NRXN3: variants seen among roughly 807,000 people sequenced by gnomAD.
The protein encoded by NRXN3 is neurexin 3, also known as neurexin III.
A neutral mutation model predicts 137.6 loss-of-function variants in NRXN3; 32 were observed. That is an observed-to-expected ratio of 0.23 (90% CI 0.18 to 0.31). NRXN3 has a LOEUF of 0.31. Ranked by LOEUF, NRXN3 falls within the 10% of genes least tolerant of loss-of-function variation. NRXN3 has a pLI of 1.00. For synonymous variants in NRXN3, 798 were observed against 784.5 expected (o/e 1.02, Z -0.29); for missense variants, 1,574 against 2,062.5 (o/e 0.76, Z 4.59).
At chr14:78,655,265 T>G (rs2152651033) in intron 6 of NRXN3, among the ~76,000 whole-genome samples, 1 of 152,324 alleles carries the variant, frequency 6.6e-6, no homozygotes, top group African/African-American at 2.4e-5. Flanking sequence ...TACATAAAAG[T>G]GAAATCATAC....
intron 8 of NRXN3, among the ~76,000 whole-genome samples, chr14:78,789,562 C>T (rs1257187984): frequency 6.6e-6 from 1 of 152,126 alleles, no homozygotes; most frequent in Non-Finnish European, 1.5e-5. Flanking sequence ...CACCAAATTC[C>T]TCCTGAACCT....
At chr14:79,472,356 C>T (rs1343490976) in intron 16 of NRXN3, among the ~76,000 whole-genome samples, 2 of 152,160 alleles carry the variant, frequency 1.3e-5, no homozygotes, top group Non-Finnish European at 2.9e-5. Context: ...TGTTGAACAA[C>T]ACAGGCCTTT....
At chr14:78,609,203 C>A (rs778580565) in intron 4 of NRXN3, among the ~76,000 whole-genome samples, 1 of 151,190 alleles carries the variant, frequency 6.6e-6, no homozygotes, top group African/African-American at 2.4e-5. Context: ...CCTATTTACA[C>A]GTGGAAAGAT....
chr14:78,520,000 A>G (rs1296433785), intron 4 of NRXN3, among the ~76,000 whole-genome samples: 1 of 152,180 alleles, frequency 6.6e-6, no homozygotes, highest in Non-Finnish European at 1.5e-5. Flanking sequence ...GGATTCAAGA[A>G]TAGCAAGGCT....
chr14:78,436,962 T>C (rs1478476290), intron 4 of NRXN3, among the ~76,000 whole-genome samples: 2 of 152,360 alleles, frequency 1.3e-5, no homozygotes, highest in East Asian at 3.9e-4. Context: ...AGGTTTGAAC[T>C]ACCAGTGTTC....
intron 1 of NRXN3, among the ~76,000 whole-genome samples, chr14:78,234,772 G>A (rs1007548008): frequency 1.3e-5 from 2 of 151,566 alleles, no homozygotes; most frequent in African/African-American, 4.9e-5. Context: ...TTATCTGTAT[G>A]TCTGGAACAT....
intron 15 of NRXN3, among the ~76,000 whole-genome samples, chr14:79,449,776 G>A (rs1052035511): frequency 5.3e-5 from 8 of 152,054 alleles, no homozygotes; most frequent in Non-Finnish European, 8.8e-5. Flanking sequence ...GATCACCTGA[G>A]GTCAGGAGTT....
At chr14:79,530,475 G>A (rs892234884) in intron 16 of NRXN3, among the ~76,000 whole-genome samples, 10 of 152,048 alleles carry the variant, frequency 6.6e-5, no homozygotes, top group Non-Finnish European at 1.3e-4. Flanking sequence ...GATGCCCCCC[G>A]GACAAAGATG....
Position 78,900,489 on chromosome 14 carries a change from TGG to T in NRXN3, c.2276-56750_2276-56749del, listed in dbSNP as rs2099192447. Reference sequence around the variant, plus strand: ...ATCATTACTACGTTTGGTGCCAAGTTGGGGCCTCAAATTTTGAACTTAAAACA... The same window carrying T: ...ATCATTACTACGTTTGGTGCCAAGTTGGCCTCAAATTTTGAACTTAAAACA... On this transcript the variant is annotated intron_variant, in intron 10 of 20. Transcript: ENST00000335750. Among the ~76,000 whole-genome samples, 2 of 151,682 alleles carry T rather than the reference TGG, an allele frequency of 1.3e-5. 1 individual carries two copies. Among genetic ancestry groups the T allele is most frequent in the South Asian group, 4.2e-4 (2 of 4,804 alleles).
intron 16 of NRXN3, among the ~76,000 whole-genome samples, chr14:79,520,768 G>T (rs192835278): frequency 6.6e-6 from 1 of 152,166 alleles, no homozygotes; most frequent in Non-Finnish European, 1.5e-5. Flanking sequence ...TCAGGAAACA[G>T]CAGATGCTGG....
chr14:79,098,640 C>A (rs1228183325), intron 15 of NRXN3, among the ~76,000 whole-genome samples: 2 of 152,140 alleles, frequency 1.3e-5, no homozygotes, highest in Non-Finnish European at 2.9e-5. Context: ...CTTACACTCA[C>A]AAACAAAACT....
intron 16 of NRXN3, among the ~76,000 whole-genome samples, chr14:79,657,598 C>T (rs1430823788): frequency 6.6e-6 from 1 of 152,114 alleles, no homozygotes; most frequent in Non-Finnish European, 1.5e-5. Context: ...AACAAGAAGA[C>T]CATAATGTTG....
In NRXN3 at chr14:79,227,140, A is replaced by T. The variant is rs145042883; in HGVS notation, c.3262+238999A>T. Among the ~76,000 whole-genome samples the T allele has an allele frequency of 2.7e-3, 406 of 151,706 alleles. 1 individual carries two copies. The highest frequency in any genetic ancestry group is 8.9e-3 in the African/African-American group (368 of 41,378). The stretch of plus-strand genomic sequence containing the variant: ...GCCTACATCCATTTTAAAATGAAAA[A>T]ATATATATATATGTAATTTATTTGA... On this transcript the variant is annotated intron_variant, in intron 15 of 20. Coordinates refer to ENST00000335750, the MANE Select transcript of NRXN3 (RefSeq NM_001330195.2).
At chr14:78,476,083 A>G (rs547420347) in intron 4 of NRXN3, among the ~76,000 whole-genome samples, 4 of 152,338 alleles carry the variant, frequency 2.6e-5, no homozygotes, top group East Asian at 1.9e-4. Context: ...TGACATTGCT[A>G]TATATAATAA....
intron 4 of NRXN3, among the ~76,000 whole-genome samples, chr14:78,538,598 A>C (rs909979939): frequency 1.3e-5 from 2 of 152,142 alleles, no homozygotes; most frequent in East Asian, 1.9e-4. Flanking sequence ...AATTGAATAC[A>C]GTTTATTTCT....
chr14:79,323,019 A>G (rs1248473525), intron 15 of NRXN3, among the ~76,000 whole-genome samples: 1 of 152,124 alleles, frequency 6.6e-6, no homozygotes, highest in Non-Finnish European at 1.5e-5. Context: ...GTTGCAATAC[A>G]TACACTGAAT....
At chr14:78,866,666 T>C (rs1391900984) in intron 10 of NRXN3, among the ~76,000 whole-genome samples, 59 of 152,090 alleles carry the variant, frequency 3.9e-4, no homozygotes, top group Admixed American at 3.9e-3. Flanking sequence ...CTTCCAAAAT[T>C]CACAGGACTG....
At chr14:79,266,584 T>C (rs2078499956) in intron 15 of NRXN3, among the ~76,000 whole-genome samples, 1 of 152,158 alleles carries the variant, frequency 6.6e-6, no homozygotes, top group African/African-American at 2.4e-5. Flanking sequence ...CAAAGTATAA[T>C]TGATTTTGTC....
chr14:78,684,271 C>T (rs2098105596), intron 6 of NRXN3, among the ~76,000 whole-genome samples: 1 of 152,070 alleles, frequency 6.6e-6, no homozygotes, highest in African/African-American at 2.4e-5. Context: ...CGAGGGGGCA[C>T]AATAGGGTTG....
Sources: allele counts gnomAD v4.1 joint callset (sites outside exome capture counted in the v4.1 genomes callset), GRCh38; gene constraint gnomAD v4.1.1; transcripts MANE v1.5; gene names NCBI Gene and HGNC (gene_info 2026-07-23, HGNC 2026-07-21).